The following WDFY3 variants were observed in gnomAD, a reference collection of about 807,000 sequenced individuals.
WDFY3 encodes WD repeat and FYVE domain containing 3.
Under a neutral mutation model 409.6 loss-of-function variants are expected in WDFY3, and 66 were observed. The ratio of observed to expected loss-of-function variants is 0.16; its 90% CI spans 0.13 to 0.20. WDFY3 has a LOEUF of 0.20. WDFY3 is among the 10% of genes least tolerant of loss of function. WDFY3 has a pLI of 1.00. For synonymous variants in WDFY3, 1,521 were observed against 1,537.1 expected (o/e 0.99, Z 0.25); for missense variants, 3,031 against 4,298.1 (o/e 0.71, Z 8.24).
chr4:84,892,023 ATTTTTTT>A (rs200646761), intron 3 of WDFY3, among the ~76,000 whole-genome samples: 1 of 135,856 alleles, frequency 7.4e-6, no homozygotes, highest in South Asian at 2.3e-4. Flanking sequence ...ATGGCCTTCA[ATTTTTTT>A]TTTTTTTTTT....
In WDFY3 at chr4:84,964,031, G is replaced by C. The variant is rs184202970; in HGVS notation, c.-226+2178C>G. 2.7e-3 allele frequency among the ~76,000 whole-genome samples: 413 copies of C among 152,230 alleles called. 6 individuals are homozygous for C. The highest frequency in any genetic ancestry group is 0.018 in the South Asian group (86 of 4,822). ...TATGTATTCTTTAATTTTATATCTA[G>C]AAGTTCATAATCTTTTACAGACCCA... is the stretch of plus-strand genomic sequence containing the variant. On this transcript the variant is annotated intron_variant, in intron 1 of 67. Coordinates refer to ENST00000295888, the MANE Select transcript of WDFY3 (RefSeq NM_014991.6).
chr4:84,696,964 T>A (rs1469183954), intron 56 of WDFY3, 141 bp from the exon 57 acceptor site: 1 of 659,134 alleles, frequency 1.5e-6, no homozygotes. Context: ...CTTCAGAGAT[T>A]ATCAACTCTA....
chr4:84,906,449 T>C (rs1032502794), intron 2 of WDFY3, among the ~76,000 whole-genome samples: 3 of 152,174 alleles, frequency 2.0e-5, no homozygotes, highest in African/African-American at 4.8e-5. Flanking sequence ...TAAATAATTA[T>C]GTTTATATGC....
At chr4:84,911,606 A>G (rs750352589) in intron 2 of WDFY3, among the ~76,000 whole-genome samples, 4 of 152,202 alleles carry the variant, frequency 2.6e-5, no homozygotes, top group Non-Finnish European at 5.9e-5. Context: ...GTTATATGTG[A>G]ATTTTCTCAA....
At chr4:84,809,684 G>A in intron 14 of WDFY3, 1 of 501,436 alleles carries the variant, frequency 2.0e-6, no homozygotes, top group Non-Finnish European at 3.4e-6. Flanking sequence ...TTTACAAATA[G>A]TACACAGGCT....
chr4:84,816,973 A>G (rs946391920), intron 13 of WDFY3, among the ~76,000 whole-genome samples: 2 of 152,128 alleles, frequency 1.3e-5, no homozygotes, highest in African/African-American at 4.8e-5. Flanking sequence ...CTCCTGGTAT[A>G]TTGTTTGATA....
rs531148156 is a variant in WDFY3 at position 84,849,914 on chromosome 4, T to C, written c.292A>G (p.Asn98Asp). Reference protein sequence around the residue: ...MVTEIRRRASNKSTEAASRAI... With the variant: ...MVTEIRRRASDKSTEAASRAI... ...ACTGTAAAAATACCTGTGGATTTGTTTGATGCTCTCCTTCGAATTTCTGTC... is the reference window on the plus strand; with the variant it reads ...ACTGTAAAAATACCTGTGGATTTGTCTGATGCTCTCCTTCGAATTTCTGTC... The change falls in exon 5 of 68, where the codon AAC becomes GAC. Residue 98 changes from asparagine to aspartate, a missense_variant. Physicochemically the swap from Asn to Asp is conservative, Grantham distance 23 (BLOSUM62 1). Coordinates refer to ENST00000295888, the MANE Select transcript of WDFY3 (RefSeq NM_014991.6). 6.2e-7 allele frequency: 1 copy of C among 1,612,278 alleles called. No individual in the cohort carries two copies. Among genetic ancestry groups the C allele is most frequent in the South Asian group, 1.1e-5 (1 of 90,416 alleles).
At chr4:84,769,875 C>T (rs917822310) in intron 30 of WDFY3, among the ~76,000 whole-genome samples, 4 of 152,108 alleles carry the variant, frequency 2.6e-5, no homozygotes, top group African/African-American at 9.7e-5. Flanking sequence ...TAAGAAATTG[C>T]CACAGCCACC....
chr4:84,674,773 T>C (rs1725975195), intron 67 of WDFY3, among the ~76,000 whole-genome samples: 1 of 150,558 alleles, frequency 6.6e-6, no homozygotes, highest in Non-Finnish European at 1.5e-5. Context: ...GAAGCTGAGG[T>C]AGAAGAATCG....
chr4:84,944,312 C>T (rs1029083350), intron 1 of WDFY3, among the ~76,000 whole-genome samples: 14 of 150,536 alleles, frequency 9.3e-5, no homozygotes, highest in African/African-American at 3.4e-4. Context: ...ATCACTTGAG[C>T]TCAGGAGTTC....
intron 64 of WDFY3, among the ~76,000 whole-genome samples, chr4:84,681,741 G>A (rs926529151): frequency 3.9e-5 from 6 of 151,988 alleles, no homozygotes; most frequent in Admixed American, 6.6e-5. Flanking sequence ...CAAAGGGGGC[G>A]GCTTCTTCAG....
chr4:84,700,045 C>A (rs1406774038), intron 56 of WDFY3, among the ~76,000 whole-genome samples: 1 of 151,476 alleles, frequency 6.6e-6, no homozygotes, highest in East Asian at 1.9e-4. Flanking sequence ...GATGCAGAAA[C>A]TTCTAATTTT....
At chr4:84,691,555 C>G in intron 60 of WDFY3, 76 bp downstream of exon 60, 1 of 1,502,498 alleles carries the variant, frequency 6.7e-7, no homozygotes, top group Non-Finnish European at 9.0e-7. Flanking sequence ...GGGTTCTCCC[C>G]AACCCTATTA....
intron 55 of WDFY3, among the ~76,000 whole-genome samples, chr4:84,703,431 GCTCA>G (rs1290270164): frequency 6.6e-6 from 1 of 152,144 alleles, no homozygotes; most frequent in Admixed American, 6.5e-5. Context: ...GTCTTACGAT[GCTCA>G]CTGTGGGAAA....
chr4:84,731,980 T>C (rs865972047), intron 44 of WDFY3, among the ~76,000 whole-genome samples: 2 of 152,158 alleles, frequency 1.3e-5, no homozygotes, highest in East Asian at 1.9e-4. Context: ...TCTTAATAGA[T>C]TGTTAGGGAA....
In WDFY3 at chr4:84,872,763, T is replaced by A. The variant is rs537689059; in HGVS notation, c.-31-12141A>T. Among the ~76,000 whole-genome samples, 133 of 152,178 alleles carry A rather than the reference T, an allele frequency of 8.7e-4. 2 individuals carry two copies. In the South Asian group the frequency reaches 0.027, roughly 30 times the overall value. ...GTAACTTTAAACATAAATAATCAGA[T>A]AGGTTAAAGGTAAAGAGATGGAGAG... On this transcript the variant is annotated intron_variant, in intron 3 of 67. Coordinates refer to ENST00000295888, the MANE Select transcript of WDFY3 (RefSeq NM_014991.6).
intron 4 of WDFY3, among the ~76,000 whole-genome samples, chr4:84,850,637 T>G (rs1758781146): frequency 2.0e-5 from 3 of 151,986 alleles, no homozygotes. Context: ...TGAGGAAAGC[T>G]AATTTGAGAA....
chr4:84,934,125 T>C (rs1024975958), intron 1 of WDFY3, among the ~76,000 whole-genome samples: 3 of 152,170 alleles, frequency 2.0e-5, no homozygotes, highest in Non-Finnish European at 4.4e-5. Flanking sequence ...CTGTACTGAT[T>C]TGCATTCCTA....
At chr4:84,705,214 A>T (rs774087522) in intron 54 of WDFY3, among the ~76,000 whole-genome samples, 180 bp downstream of exon 54, 9 of 152,216 alleles carry the variant, frequency 5.9e-5, no homozygotes, top group Non-Finnish European at 1.3e-4. Context: ...GCATGGCCAT[A>T]AGTTGGCATG....
Sources: allele counts gnomAD v4.1 joint callset (sites outside exome capture counted in the v4.1 genomes callset), GRCh38; gene constraint gnomAD v4.1.1; transcripts MANE v1.5; gene names NCBI Gene and HGNC (gene_info 2026-07-23, HGNC 2026-07-21).